The following RFX8 variants were observed in gnomAD, a reference collection of about 807,000 sequenced individuals.
The protein encoded by RFX8 is DNA-binding protein RFX8.
In RFX8, 46 loss-of-function variants were observed where a neutral mutation model predicts 54.6. The ratio of observed to expected loss-of-function variants is 0.84; its 90% CI spans 0.67 to 1.08. The LOEUF is 1.08. Ranked by LOEUF, RFX8 falls within the 50% of genes least tolerant of loss-of-function variation. The probability of loss-of-function intolerance (pLI) is 0.00; values close to 1 mark genes in which losing one functional copy is unlikely to be tolerated. For synonymous variants in RFX8, 192 were observed against 209.5 expected, an observed-to-expected ratio of 0.92 and a Z score of 0.72; for missense variants, 536 against 562.3, an observed-to-expected ratio of 0.95 and a Z score of 0.47.
chr2:101,411,503 A>AGG (rs11398640), intron 8 of RFX8, among the ~76,000 whole-genome samples: 8 of 151,848 alleles, frequency 5.3e-5, no homozygotes, highest in Admixed American at 2.6e-4. Flanking sequence ...CGGGCGGGGG[A>AGG]GGGGGTGTCT....
chr2:101,435,709 A>G (rs1161259056), intron 2 of RFX8, among the ~76,000 whole-genome samples: 1 of 152,062 alleles, frequency 6.6e-6, no homozygotes, highest in Admixed American at 6.6e-5. Flanking sequence ...ACTAAACGGG[A>G]TTGGAATCTG....
At chr2:101,426,432 T>C (rs148979404) in intron 2 of RFX8, among the ~76,000 whole-genome samples, 26 of 152,292 alleles carry the variant, frequency 1.7e-4, no homozygotes, top group Middle Eastern at 6.8e-3. Context: ...GGTGAGAAGT[T>C]GGCTTGAGCC....
intron 2 of RFX8, among the ~76,000 whole-genome samples, chr2:101,450,364 G>A (rs1283472117): frequency 2.0e-5 from 3 of 152,056 alleles, no homozygotes; most frequent in South Asian, 2.1e-4. Context: ...TGACACTACC[G>A]GTGCACAACA....
chr2:101,433,265 C>T (rs186587572), intron 2 of RFX8, among the ~76,000 whole-genome samples: 64 of 152,212 alleles, frequency 4.2e-4, no homozygotes, highest in Admixed American at 9.1e-4. Flanking sequence ...CACTGGAACA[C>T]GGGGACTCAG....
In RFX8 at chr2:101,472,775, T is replaced by A. The variant is rs141317472; in HGVS notation, c.-53+1861A>T. ...GCTCACACCTGTAATCCCAGCACTTTGGGAGGCCGAGGGAAGTGGATCACT... is the reference window on the plus strand; with the variant it reads ...GCTCACACCTGTAATCCCAGCACTTAGGGAGGCCGAGGGAAGTGGATCACT... On this transcript the variant is annotated intron_variant, in intron 1 of 11. Coordinates refer to ENST00000428343, the MANE Select transcript of RFX8 (RefSeq NM_001145664.2). Among the ~76,000 whole-genome samples the A allele has an allele frequency of 5.8e-3, 884 of 152,286 alleles. 9 individuals carry two copies. Among genetic ancestry groups the A allele is most frequent in the African/African-American group, 0.021 (859 of 41,566 alleles).
chr2:101,406,905 C>T (rs1685768531), intron 9 of RFX8, among the ~76,000 whole-genome samples: 2 of 152,210 alleles, frequency 1.3e-5, no homozygotes, highest in Non-Finnish European at 2.9e-5. Context: ...GCCCCTAAAC[C>T]CAGTGGAACC....
intron 9 of RFX8, among the ~76,000 whole-genome samples, chr2:101,409,427 C>T (rs549813404): frequency 8.6e-5 from 13 of 151,300 alleles, no homozygotes; most frequent in Non-Finnish European, 1.2e-4. Flanking sequence ...GGGGTTTCAC[C>T]GTGTTAGCCA....
chr2:101,421,381 T>C (rs1686853998), intron 4 of RFX8: 2 of 1,018,740 alleles, frequency 2.0e-6, no homozygotes, highest in South Asian at 9.0e-5. Flanking sequence ...ATCAAATGGC[T>C]CTTCGGCACC....
At chr2:101,410,311 C>A (rs1686039190) in intron 9 of RFX8, among the ~76,000 whole-genome samples, 1 of 151,876 alleles carries the variant, frequency 6.6e-6, no homozygotes, top group Non-Finnish European at 1.5e-5. Context: ...CACACATGCT[C>A]ACACACACCC....
At chr2:101,474,287 G>A (rs1690183465) in intron 1 of RFX8, 8 of 545,066 alleles carry the variant, frequency 1.5e-5, no homozygotes, top group East Asian at 3.5e-5. Context: ...GCTCGGCCCC[G>A]GGCCTGCAGC....
chr2:101,451,616 G>A (rs1466881736), intron 2 of RFX8, among the ~76,000 whole-genome samples: 2 of 150,986 alleles, frequency 1.3e-5, no homozygotes, highest in Non-Finnish European at 2.9e-5. Flanking sequence ...TTGAATCTGG[G>A]AGGCGGAGGT....
chr2:101,447,437 A>G (rs919650277), intron 2 of RFX8, among the ~76,000 whole-genome samples: 3 of 152,192 alleles, frequency 2.0e-5, no homozygotes, highest in African/African-American at 7.2e-5. Context: ...GAAGTCCAAG[A>G]TCATGGTGCG....
chr2:101,417,174 C>T (rs550381277), intron 6 of RFX8, among the ~76,000 whole-genome samples: 4 of 152,314 alleles, frequency 2.6e-5, no homozygotes, highest in African/African-American at 9.6e-5. Flanking sequence ...AAGTCAGATG[C>T]TTCATCTACG....
At chr2:101,459,271 A>G (rs1185348159) in intron 2 of RFX8, among the ~76,000 whole-genome samples, 1 of 152,136 alleles carries the variant, frequency 6.6e-6, no homozygotes. Context: ...AGGAGCTGCA[A>G]TCCTTTGGAG....
intron 2 of RFX8, among the ~76,000 whole-genome samples, chr2:101,440,793 G>C (rs1267748997): frequency 6.6e-6 from 1 of 152,144 alleles, no homozygotes; most frequent in Non-Finnish European, 1.5e-5. Context: ...AGAATAACCT[G>C]AATTCACTGA....
intron 2 of RFX8, among the ~76,000 whole-genome samples, chr2:101,438,434 G>T (rs184926140): frequency 2.5e-4 from 38 of 152,260 alleles, no homozygotes; most frequent in Admixed American, 5.9e-4. Context: ...TTATTGTTGA[G>T]TAGTGTTCCA....
At chr2:101,415,898 G>C (rs554319393) in intron 6 of RFX8, among the ~76,000 whole-genome samples, 1 of 152,362 alleles carries the variant, frequency 6.6e-6, no homozygotes, top group East Asian at 1.9e-4. Flanking sequence ...TCTGGGCTTT[G>C]ACGCATAGGT....
At chr2:101,451,793 G>T (rs183917883) in intron 2 of RFX8, among the ~76,000 whole-genome samples, 3 of 151,946 alleles carry the variant, frequency 2.0e-5, no homozygotes, top group East Asian at 3.9e-4. Flanking sequence ...AGTTCAAAGG[G>T]TAATTAAAAC....
At chr2:101,442,905 G>C (rs1210504266) in intron 2 of RFX8, among the ~76,000 whole-genome samples, 2 of 152,136 alleles carry the variant, frequency 1.3e-5, no homozygotes, top group African/African-American at 4.8e-5. Context: ...GCAGAACAAA[G>C]AGGCTTCCTG....
Sources: allele counts gnomAD v4.1 joint callset (sites outside exome capture counted in the v4.1 genomes callset), GRCh38; gene constraint gnomAD v4.1.1; transcripts MANE v1.5; gene names NCBI Gene and HGNC (gene_info 2026-07-23, HGNC 2026-07-21).